The following SLC35F3 variants were observed in gnomAD, a reference collection of about 807,000 sequenced individuals.
The protein encoded by SLC35F3 is putative thiamine transporter SLC35F3.
Under a neutral mutation model 49.9 loss-of-function variants are expected in SLC35F3, and 25 were observed. That is an observed-to-expected ratio of 0.50 (90% CI 0.37 to 0.70). SLC35F3 has a LOEUF of 0.70. Ranked by LOEUF, SLC35F3 falls within the 30% of genes least tolerant of loss-of-function variation. The pLI is 0.00. For missense variants in SLC35F3, 525 were observed against 639.8 expected (o/e 0.82, Z 1.94); for synonymous variants, 275 against 265.4 (o/e 1.04, Z -0.35).
intron 2 of SLC35F3, among the ~76,000 whole-genome samples, chr1:234,115,590 A>G (rs907257176): frequency 6.6e-5 from 10 of 152,226 alleles, no homozygotes; most frequent in Non-Finnish European, 1.3e-4. Context: ...TCAACTTTTT[A>G]TTTTGAAATA....
At chr1:234,226,310 T>G (rs1040603160) in intron 2 of SLC35F3, among the ~76,000 whole-genome samples, 5 of 152,140 alleles carry the variant, frequency 3.3e-5, no homozygotes, top group Non-Finnish European at 5.9e-5. Flanking sequence ...AGCCAGCTGG[T>G]GGTCTTTGAT....
intron 2 of SLC35F3, among the ~76,000 whole-genome samples, chr1:233,940,494 G>A (rs376454925): frequency 1.4e-4 from 22 of 152,170 alleles, no homozygotes; most frequent in African/African-American, 2.4e-4. Flanking sequence ...CTAACTCTGC[G>A]CAAAGTATGT....
intron 2 of SLC35F3, among the ~76,000 whole-genome samples, chr1:233,941,332 T>G (rs577944273): frequency 2.0e-5 from 3 of 152,354 alleles, no homozygotes; most frequent in African/African-American, 7.2e-5. Context: ...GTGTACAGAT[T>G]TATCACCTTG....
intron 3 of SLC35F3, among the ~76,000 whole-genome samples, chr1:234,242,044 T>C (rs1667562186): frequency 6.6e-6 from 1 of 152,220 alleles, no homozygotes; most frequent in Admixed American, 6.5e-5. Flanking sequence ...TTTTGTGATA[T>C]CACATTCCAC....
At chr1:234,150,005 T>C (rs544331865) in intron 2 of SLC35F3, among the ~76,000 whole-genome samples, 1 of 152,306 alleles carries the variant, frequency 6.6e-6, no homozygotes, top group African/African-American at 2.4e-5. Flanking sequence ...TCCCTTGCCA[T>C]AGAAAGGTGC....
chr1:233,987,507 C>T (rs1410238904), intron 2 of SLC35F3, among the ~76,000 whole-genome samples: 2 of 138,488 alleles, frequency 1.4e-5, no homozygotes, highest in Admixed American at 6.9e-5. Flanking sequence ...TTTGATTCCC[C>T]ATCTTTTTAT....
intron 2 of SLC35F3, among the ~76,000 whole-genome samples, chr1:234,015,929 A>G (rs940438207): frequency 6.6e-6 from 1 of 152,252 alleles, no homozygotes; most frequent in Non-Finnish European, 1.5e-5. Context: ...TCCAAATTAT[A>G]TAAGGAACCC....
chr1:233,961,453 C>CTT (rs1167795790), intron 2 of SLC35F3, among the ~76,000 whole-genome samples: 2 of 140,754 alleles, frequency 1.4e-5, no homozygotes, highest in Non-Finnish European at 1.5e-5. Context: ...TTTTTTTCCT[C>CTT]TCTTTTTTTT....
chr1:234,300,000 A>G (rs575856884), intron 3 of SLC35F3, among the ~76,000 whole-genome samples: 13 of 151,414 alleles, frequency 8.6e-5, no homozygotes, highest in Admixed American at 6.6e-4. Flanking sequence ...TTTAAAAAAT[A>G]CAATGAAGTT....
chr1:234,247,898 G>GATGGGTCAGTTGGCTGGTCAGTTGTTCT, intron 3 of SLC35F3, among the ~76,000 whole-genome samples: 1 of 152,208 alleles, frequency 6.6e-6, no homozygotes, highest in East Asian at 1.9e-4. Flanking sequence ...TCCGTTGTTT[G>GATGGGTCAGTTGGCTGGTCAGTTGTTCT]GTGGGTAGGT....
chr1:234,172,210 C>T (rs2102919376), intron 2 of SLC35F3, among the ~76,000 whole-genome samples: 1 of 152,240 alleles, frequency 6.6e-6, no homozygotes, highest in South Asian at 2.1e-4. Context: ...AGTGCCACAG[C>T]CCCAAGAACA....
chr1:234,080,429 C>T (rs1664857905), intron 2 of SLC35F3, among the ~76,000 whole-genome samples: 1 of 152,146 alleles, frequency 6.6e-6, no homozygotes, highest in Non-Finnish European at 1.5e-5. Flanking sequence ...CAAAAACATG[C>T]ATATGAATGT....
At chr1:233,936,656 C>T (rs994214755) in intron 2 of SLC35F3, among the ~76,000 whole-genome samples, 4 of 151,678 alleles carry the variant, frequency 2.6e-5, no homozygotes, top group Non-Finnish European at 4.4e-5. Flanking sequence ...TCTCCTCCTC[C>T]TTTCTTCCCC....
At chr1:234,227,388 C>G (rs370329765) in intron 2 of SLC35F3, among the ~76,000 whole-genome samples, 2 of 95,998 alleles carry the variant, frequency 2.1e-5, no homozygotes, top group South Asian at 6.3e-4. Context: ...CTGCCTCTTT[C>G]TTTCTTTTTT....
At position 234,231,442 on chromosome 1, in the gene SLC35F3, G is replaced by C. The variant is rs776767583; in HGVS notation, c.309G>C (p.Pro103=). 2 of 1,598,916 alleles carry C rather than the reference G, an allele frequency of 1.3e-6. No homozygotes were observed. The highest frequency in any genetic ancestry group is 1.7e-6 in the Non-Finnish European group (2 of 1,173,022). Residue 103 remains proline (P), a synonymous_variant, in exon 3 of 8, where the codon CCG becomes CCC. Coordinates refer to ENST00000366618, the MANE Select transcript of SLC35F3 (RefSeq NM_173508.4). The surrounding 1 kb of genome is among the most constrained non-coding windows in gnomAD (Gnocchi z 5.4). ...CKREERPRDS[P]GPAEAQAPAG... ...GGGAGGAGCGCCCCCGGGACTCCCC[G>C]GGCCCGGCGGAGGCCCAGGCACCGG...
intron 2 of SLC35F3, among the ~76,000 whole-genome samples, chr1:233,933,072 A>G (rs544162121): frequency 6.6e-6 from 1 of 151,260 alleles, no homozygotes; most frequent in South Asian, 2.1e-4. Context: ...CATGGTAAAA[A>G]TAATCAGGAC....
chr1:234,130,469 T>C (rs1665717676), intron 2 of SLC35F3, among the ~76,000 whole-genome samples: 2 of 56,782 alleles, frequency 3.5e-5, no homozygotes, highest in African/African-American at 8.4e-5. Context: ...TGAAACCCCG[T>C]CTCTAAAAAA....
In SLC35F3 at chr1:234,295,027, T is replaced by G. The variant is rs193070129; in HGVS notation, c.609-14074T>G. 1.2e-4 allele frequency among the ~76,000 whole-genome samples: 19 copies of G among 152,310 alleles called. 1 individual carries two copies. In the East Asian group the frequency reaches 3.7e-3, roughly 29 times the overall value. On this transcript the variant is annotated intron_variant, in intron 3 of 7. Coordinates refer to ENST00000366618, the MANE Select transcript of SLC35F3 (RefSeq NM_173508.4). ...AGCCCACGGGGCCTGAGGCAGAAAC[T>G]GAGTTCAGCCAGATGCAGAGAAATG... is the stretch of plus-strand genomic sequence containing the variant.
chr1:234,098,413 TTGG>T (rs1029758573), intron 2 of SLC35F3, among the ~76,000 whole-genome samples: 10 of 114,656 alleles, frequency 8.7e-5, no homozygotes, highest in African/African-American at 1.0e-4. Context: ...GGTGATTGTG[TTGG>T]TGGTGGTGGT....
Sources: allele counts gnomAD v4.1 joint callset (sites outside exome capture counted in the v4.1 genomes callset), GRCh38; gene constraint gnomAD v4.1.1; non-coding constraint Gnocchi (gnomAD v3.1); transcripts MANE v1.5; gene names NCBI Gene and HGNC (gene_info 2026-07-23, HGNC 2026-07-21).